HCRTR2: variants seen among roughly 807,000 people sequenced by gnomAD.
HCRTR2 encodes the protein orexin receptor type 2.
In HCRTR2, 22 loss-of-function variants were observed where a neutral mutation model predicts 49.0. That is an observed-to-expected ratio of 0.45 (90% CI 0.32 to 0.64). The LOEUF is 0.64. HCRTR2 is among the 30% of genes least tolerant of loss of function. HCRTR2 has a pLI of 0.04. For missense variants in HCRTR2, 491 were observed against 559.4 expected, an observed-to-expected ratio of 0.88 and a Z score of 1.23; for synonymous variants, 236 against 205.3, an observed-to-expected ratio of 1.15 and a Z score of -1.28.
chr6:55,131,224 T>G (rs1033296041), intron 1 of HCRTR2, among the ~76,000 whole-genome samples: 5 of 151,868 alleles, frequency 3.3e-5, no homozygotes, highest in African/African-American at 9.7e-5. Context: ...TATTATTATT[T>G]TATTATTGAT....
intron 1 of HCRTR2, among the ~76,000 whole-genome samples, chr6:55,238,423 C>T (rs1026300202): frequency 2.6e-5 from 4 of 152,090 alleles, no homozygotes; most frequent in Non-Finnish European, 5.9e-5. Flanking sequence ...CCACATATTC[C>T]GCCTAAGTAA....
chr6:55,181,106 T>C (rs1464375702), intron 1 of HCRTR2, among the ~76,000 whole-genome samples: 2 of 152,032 alleles, frequency 1.3e-5, no homozygotes, highest in African/African-American at 4.8e-5. Flanking sequence ...GTGCCTGACG[T>C]GAACAGGTCA....
chr6:55,189,249 A>G (rs1019445126), intron 1 of HCRTR2, among the ~76,000 whole-genome samples: 1 of 152,182 alleles, frequency 6.6e-6, no homozygotes, highest in Non-Finnish European at 1.5e-5. Context: ...TCCTAAAGGG[A>G]GATTAATTTG....
chr6:55,202,915 A>G (rs1279094902), intron 1 of HCRTR2, among the ~76,000 whole-genome samples: 2 of 152,188 alleles, frequency 1.3e-5, no homozygotes, highest in Non-Finnish European at 2.9e-5. Flanking sequence ...CACACATCCC[A>G]CTTAAGCTTC....
At chr6:55,129,409 G>A (rs1472866716) in intron 1 of HCRTR2, among the ~76,000 whole-genome samples, 1 of 152,052 alleles carries the variant, frequency 6.6e-6, no homozygotes, top group Non-Finnish European at 1.5e-5. Context: ...AATGGGTTTT[G>A]AAATGTAAGT....
At position 55,184,129 on chromosome 6, in the gene HCRTR2, G is replaced by A. The variant is rs115992291; in HGVS notation, c.223+9319G>A. ...TTCTTAGTAGAGATGGGATTTCACC[G>A]TGTTGCTCAGACTGATCTTTAACTC... is the stretch of plus-strand genomic sequence containing the variant. On this transcript the variant is annotated intron_variant, in intron 1 of 6. Coordinates refer to ENST00000370862, the MANE Select transcript of HCRTR2 (RefSeq NM_001384272.1). Among the ~76,000 whole-genome samples, 353 of 152,074 alleles carry A rather than the reference G, an allele frequency of 2.3e-3. 2 individuals are homozygous for A. Among genetic ancestry groups the A allele is most frequent in the African/African-American group, 7.7e-3 (319 of 41,496 alleles).
chr6:55,228,344 T>C (rs1399203383), intron 1 of HCRTR2, among the ~76,000 whole-genome samples: 2 of 149,050 alleles, frequency 1.3e-5, no homozygotes, highest in Admixed American at 1.3e-4. Context: ...AAAAATTAAA[T>C]ATTAAATTTT....
At chr6:55,159,182 C>T (rs1214847130) in intron 1 of HCRTR2, among the ~76,000 whole-genome samples, 1 of 152,036 alleles carries the variant, frequency 6.6e-6, no homozygotes, top group African/African-American at 2.4e-5. Flanking sequence ...ACGTTGACCT[C>T]CAGCAAACTC....
At chr6:55,246,514 T>A (rs1254833076) in intron 1 of HCRTR2, among the ~76,000 whole-genome samples, 2 of 152,014 alleles carry the variant, frequency 1.3e-5, no homozygotes, top group Non-Finnish European at 2.9e-5. Flanking sequence ...GATGGAAGGT[T>A]AGACTGAATA....
In HCRTR2 at chr6:55,115,774, T is replaced by C. The variant is rs148312861; in HGVS notation, c.-378+9229T>C. ...TACTTAATCAGAAAATGATAATAGCTGAACCATGAGAAGATGAAACATAAA... is the reference window on the plus strand; with the variant it reads ...TACTTAATCAGAAAATGATAATAGCCGAACCATGAGAAGATGAAACATAAA... On this transcript the variant is annotated intron_variant, in intron 1 of 7. Transcript: ENST00000615358. Among the ~76,000 whole-genome samples the C allele has an allele frequency of 6.3e-3, 954 of 151,726 alleles. 3 individuals are homozygous for C. Among genetic ancestry groups the C allele is most frequent in the South Asian group, 0.018 (89 of 4,818 alleles).
chr6:55,256,049 A>T (rs1331509995), intron 3 of HCRTR2, among the ~76,000 whole-genome samples: 1 of 152,176 alleles, frequency 6.6e-6, no homozygotes, highest in East Asian at 1.9e-4. Flanking sequence ...TTTGGTTAGA[A>T]ATTCTTAGAG....
At chr6:55,194,748 T>C (rs545794345) in intron 1 of HCRTR2, among the ~76,000 whole-genome samples, 4 of 152,134 alleles carry the variant, frequency 2.6e-5, no homozygotes, top group Non-Finnish European at 4.4e-5. Context: ...TTTAATTATG[T>C]GTGTTTGTCA....
At chr6:55,182,162 T>C (rs1765144275) in intron 1 of HCRTR2, among the ~76,000 whole-genome samples, 1 of 152,164 alleles carries the variant, frequency 6.6e-6, no homozygotes, top group Admixed American at 6.5e-5. Flanking sequence ...GCCTCCACAT[T>C]TTGTGCACTA....
At position 55,255,372 on chromosome 6, in the gene HCRTR2, C is replaced by T. The variant is rs755006185; in HGVS notation, c.639C>T (p.Arg213=). 2.8e-5 allele frequency: 45 copies of T among 1,613,880 alleles called. No homozygotes were observed. Among genetic ancestry groups the T allele is most frequent in the Non-Finnish European group, 3.7e-5 (44 of 1,179,936 alleles). Reference sequence around the variant, plus strand: ...CCCTCTTTACGGTGTGTGATGAGCGCTGGGGTGGTAAGTACCTTATGGCCC... The same window carrying T: ...CCCTCTTTACGGTGTGTGATGAGCGTTGGGGTGGTAAGTACCTTATGGCCC... ...KTTLFTVCDE[R]WGGEIYPKMY... The change falls in exon 3 of 7, where the codon CGC becomes CGT. Residue 213 remains arginine, a synonymous_variant. Coordinates refer to ENST00000370862, the MANE Select transcript of HCRTR2 (RefSeq NM_001384272.1).
At chr6:55,147,048 C>T (rs942555887) in intron 1 of HCRTR2, among the ~76,000 whole-genome samples, 1 of 152,232 alleles carries the variant, frequency 6.6e-6, no homozygotes, top group Middle Eastern at 3.4e-3. Context: ...TTCTAAGAGA[C>T]AGCAAATGTA....
At chr6:55,263,970 C>T (rs1385241617) in intron 4 of HCRTR2, 148 bp downstream of exon 4, 10 of 670,964 alleles carry the variant, frequency 1.5e-5, no homozygotes, top group Non-Finnish European at 2.7e-5. Context: ...ATAACATGTT[C>T]ATAAAAGTAT....
chr6:55,265,658 C>T (rs757425404), intron 4 of HCRTR2, among the ~76,000 whole-genome samples: 23 of 152,098 alleles, frequency 1.5e-4, no homozygotes, highest in Non-Finnish European at 3.2e-4. Context: ...TCACACATCA[C>T]AGGGTAATGG....
chr6:55,263,994 C>T, intron 4 of HCRTR2, 172 bp downstream of exon 4: 1 of 607,246 alleles, frequency 1.6e-6, no homozygotes, highest in Non-Finnish European at 2.9e-6. Flanking sequence ...ATTGTGTGTT[C>T]TTTTAAAGTA....
chr6:55,269,146 A>G (rs1415059424), intron 4 of HCRTR2, among the ~76,000 whole-genome samples: 1 of 151,960 alleles, frequency 6.6e-6, no homozygotes, highest in Non-Finnish European at 1.5e-5. Flanking sequence ...ACAAGGAAAT[A>G]AAAGATTTAA....
Sources: gnomAD v4.1 joint callset for allele counts (sites outside exome capture counted in the v4.1 genomes callset) on GRCh38, gnomAD v4.1.1 for gene constraint, MANE v1.5 for transcripts, NCBI Gene and HGNC (gene_info 2026-07-23, HGNC 2026-07-21) for gene names.